EXT2: variants seen among roughly 807,000 people sequenced by gnomAD.
EXT2 encodes the protein exostosin glycosyltransferase 2.
In EXT2, 53 loss-of-function variants were observed where a neutral mutation model predicts 81.6. The ratio of observed to expected loss-of-function variants is 0.65; its 90% CI spans 0.52 to 0.82. The LOEUF is 0.82. Ranked by LOEUF, EXT2 falls within the 40% of genes least tolerant of loss-of-function variation. EXT2 has a pLI of 0.00. For missense variants in EXT2, 774 were observed against 910.2 expected (o/e 0.85, Z 1.93); for synonymous variants, 320 against 340.0 (o/e 0.94, Z 0.65).
rs563969177 is a variant in EXT2 at position 44,170,563 on chromosome 11, A to G, written c.1174-1048A>G. Among the ~76,000 whole-genome samples the G allele has an allele frequency of 1.2e-4, 19 of 152,352 alleles. No homozygotes were observed. In the South Asian group the frequency reaches 3.5e-3, roughly 28 times the overall value. The stretch of plus-strand genomic sequence containing the variant: ...AGATTAACAAAATTGATAAAGCTCT[A>G]CTAAGACTGATCAAGTACAAAGAGA... On this transcript the variant is annotated intron_variant, in intron 7 of 13. Transcript: ENST00000533608.
intron 11 of EXT2, 43 bp downstream of exon 11, chr11:44,232,539 T>C (rs1955912154): frequency 6.2e-7 from 1 of 1,610,896 alleles, no homozygotes; most frequent in African/African-American, 1.3e-5. Flanking sequence ...ACTGAGAGAA[T>C]GATACACATT....
At chr11:44,217,012 AC>A (rs1230743254) in intron 10 of EXT2, among the ~76,000 whole-genome samples, 1 of 148,140 alleles carries the variant, frequency 6.8e-6, no homozygotes, top group Non-Finnish European at 1.5e-5. Flanking sequence ...GATGTGACCC[AC>A]CCGAGGCCTC....
At chr11:44,095,976 G>A in intron 1 of EXT2, 124 bp downstream of exon 1, 1 of 475,774 alleles carries the variant, frequency 2.1e-6, no homozygotes, top group Non-Finnish European at 3.9e-6. Context: ...CTCCGTGGAG[G>A]CCCGTGGGCT....
rs114869332 is a variant in EXT2, at chr11:44,195,055, A to G, written c.1306-2774A>G. ...GAAGTACAATGAGTTGCTAAGGTAC[A>G]AATACTAAAATCCAGGCACCTTCCT... On this transcript the variant is annotated intron_variant, in intron 8 of 13. Transcript: ENST00000533608. 6.1e-3 allele frequency among the ~76,000 whole-genome samples: 923 copies of G among 152,334 alleles called. 10 individuals are homozygous for G. Among genetic ancestry groups the G allele is most frequent in the African/African-American group, 0.021 (883 of 41,582 alleles).
intron 13 of EXT2, among the ~76,000 whole-genome samples, chr11:44,238,367 A>G (rs1044007424): frequency 2.0e-5 from 3 of 152,122 alleles, no homozygotes; most frequent in African/African-American, 7.2e-5. Context: ...TTTTTTGTAG[A>G]GACAGAGTCT....
chr11:44,171,481 C>A, intron 7 of EXT2, 130 bp from the exon 8 acceptor site: 1 of 1,391,124 alleles, frequency 7.2e-7, no homozygotes, highest in Non-Finnish European at 1.0e-6. Context: ...AGCATATGCC[C>A]TAGGCACCCC....
At chr11:44,152,357 T>C (rs775257769) in intron 7 of EXT2, among the ~76,000 whole-genome samples, 26 of 152,250 alleles carry the variant, frequency 1.7e-4, no homozygotes, top group Non-Finnish European at 2.9e-4. Context: ...GTTGTTGTTG[T>C]TGTTGTTGTT....
rs1182477872 is a variant in EXT2, at chr11:44,247,342, C to CAGGTTCAA, written c.*3056_*3063dup. ...TCGGCTCACTACATCCTCCGCCTCC[C>CAGGTTCAA]AGGTTCAAGTGATTCTCCTGCCTCA... On this transcript the variant is annotated 3_prime_UTR_variant, in exon 14 of 14. Coordinates refer to ENST00000533608, the MANE Select transcript of EXT2 (RefSeq NM_207122.2). Among the ~76,000 whole-genome samples, 6 of 147,724 alleles carry CAGGTTCAA rather than the reference C, an allele frequency of 4.1e-5. No individual in the cohort carries two copies. Among genetic ancestry groups the CAGGTTCAA allele is most frequent in the Non-Finnish European group, 8.9e-5 (6 of 67,478 alleles).
At chr11:44,138,032 A>G (rs1954594496) in intron 7 of EXT2, among the ~76,000 whole-genome samples, 1 of 152,158 alleles carries the variant, frequency 6.6e-6, no homozygotes, top group Non-Finnish European at 1.5e-5. Flanking sequence ...AGGTGAAAGG[A>G]ATCTTCACAA....
chr11:44,212,680 A>C (rs1955664924), intron 10 of EXT2, among the ~76,000 whole-genome samples: 2 of 152,210 alleles, frequency 1.3e-5, no homozygotes, highest in Admixed American at 6.5e-5. Context: ...CTAAACTAGA[A>C]ACATCAGCTG....
chr11:44,240,023 A>G (rs1329856426), intron 13 of EXT2, among the ~76,000 whole-genome samples: 1 of 152,224 alleles, frequency 6.6e-6, no homozygotes, highest in East Asian at 1.9e-4. Context: ...AATGCTATGT[A>G]AATAGTTGTT....
intron 1 of EXT2, chr11:44,096,389 T>C: frequency 6.9e-7 from 1 of 1,452,992 alleles, no homozygotes; most frequent in Non-Finnish European, 9.2e-7. Flanking sequence ...GGCCGGGGAC[T>C]GGGTGACCGG....
chr11:44,174,395 G>A (rs1955125719), intron 8 of EXT2, among the ~76,000 whole-genome samples: 2 of 151,178 alleles, frequency 1.3e-5, no homozygotes, highest in African/African-American at 4.9e-5. Context: ...TTGTCTTTCT[G>A]GTAGAATTTA....
At chr11:44,195,345 A>G (rs897764553) in intron 8 of EXT2, among the ~76,000 whole-genome samples, 2 of 151,948 alleles carry the variant, frequency 1.3e-5, no homozygotes, top group Non-Finnish European at 2.9e-5. Flanking sequence ...GAGACAGGAG[A>G]ATCTTTTGAA....
chr11:44,178,245 T>G (rs1955185600), intron 8 of EXT2, among the ~76,000 whole-genome samples: 1 of 152,214 alleles, frequency 6.6e-6, no homozygotes, highest in African/African-American at 2.4e-5. Flanking sequence ...TGGGTAGGTC[T>G]GGGGTAGGAA....
chr11:44,167,721 T>C (rs1955013097), intron 7 of EXT2, among the ~76,000 whole-genome samples: 2 of 152,040 alleles, frequency 1.3e-5, no homozygotes, highest in Non-Finnish European at 2.9e-5. Flanking sequence ...AAAACGACAG[T>C]AGAAAGATAT....
At chr11:44,161,396 A>G (rs1363825532) in intron 7 of EXT2, among the ~76,000 whole-genome samples, 1 of 152,190 alleles carries the variant, frequency 6.6e-6, no homozygotes, top group East Asian at 1.9e-4. Context: ...CAGGAGGCCA[A>G]GACAGGAGGT....
chr11:44,175,069 T>C (rs949793622), intron 8 of EXT2, among the ~76,000 whole-genome samples: 1 of 152,232 alleles, frequency 6.6e-6, no homozygotes, highest in Non-Finnish European at 1.5e-5. Context: ...TGTGATAAGA[T>C]TGCATTTTGG....
chr11:44,116,407 T>A (rs1954221296), intron 4 of EXT2: 1 of 152,254 alleles, frequency 6.6e-6, no homozygotes, highest in African/African-American at 2.4e-5. Context: ...TTTATTCATC[T>A]CTTCATCAGT....
Sources: gnomAD v4.1 joint callset for allele counts (sites outside exome capture counted in the v4.1 genomes callset) on GRCh38, gnomAD v4.1.1 for gene constraint, MANE v1.5 for transcripts, NCBI Gene and HGNC (gene_info 2026-07-23, HGNC 2026-07-21) for gene names.